GABRA6: variants seen among roughly 807,000 people sequenced by gnomAD.
GABRA6 encodes gamma-aminobutyric acid type A receptor subunit alpha6.
GABRA6 carries 45 observed loss-of-function variants against 47.3 expected under a neutral mutation model. That is an observed-to-expected ratio of 0.95 (90% confidence interval 0.75 to 1.22). The LOEUF (loss-of-function observed/expected upper bound fraction) is 1.22. GABRA6 is among the 50% of genes most tolerant of loss of function. The pLI, the probability that GABRA6 is intolerant of heterozygous loss-of-function variation, is 0.00. For synonymous variants in GABRA6, 219 were observed against 194.7 expected (o/e 1.12, Z -1.04); for missense variants, 583 against 549.3 (o/e 1.06, Z -0.61).
chr5:161,697,727 C>A (rs995597730), intron 8 of GABRA6, among the ~76,000 whole-genome samples: 2 of 152,274 alleles, frequency 1.3e-5, no homozygotes, highest in Middle Eastern at 3.4e-3. Context: ...ATCAGTAGTT[C>A]TGAGCTTCAG....
chr5:161,701,663 G>T lies in GABRA6; in HGVS notation c.1252G>T (p.Asp418Tyr), dbSNP rs142468532. 1 of 1,614,138 alleles carries T rather than the reference G, an allele frequency of 6.2e-7. No individual in the cohort carries two copies. The highest frequency in any genetic ancestry group is 8.5e-7 in the Non-Finnish European group (1 of 1,180,026). The change falls in exon 9 of 9, where the codon GAC (aspartate) becomes TAC (tyrosine). Residue 418 changes from aspartate (D) to tyrosine (Y), a missense_variant. Physicochemically the swap from Asp to Tyr is radical, Grantham distance 160 (BLOSUM62 -3). Transcript: ENST00000274545. The part of the protein sequence containing the change: ...SPAFGGTSKI[D>Y]QYSRILFPVA... ...AGCCTTTGGAGGCACCAGTAAAATA[G>T]ACCAGTATTCTCGAATTCTCTTCCC... is the stretch of plus-strand genomic sequence containing the variant.
chr5:161,687,154 G>A, intron 3 of GABRA6, 151 bp downstream of exon 3: 1 of 734,146 alleles, frequency 1.4e-6, no homozygotes, highest in Non-Finnish European at 2.5e-6. Flanking sequence ...CCATTAGAAT[G>A]GATTCCTGGC....
intron 5 of GABRA6, 130 bp from the exon 6 acceptor site, chr5:161,689,506 C>T (rs1754755636): frequency 9.3e-7 from 1 of 1,076,724 alleles, no homozygotes; most frequent in Non-Finnish European, 1.4e-6. Context: ...GCTTTAGTCA[C>T]CAAGATTAAA....
At chr5:161,687,828 A>T (rs1010028468) in intron 3 of GABRA6, among the ~76,000 whole-genome samples, 1 of 152,182 alleles carries the variant, frequency 6.6e-6, no homozygotes, top group Admixed American at 6.5e-5. Context: ...GAAGGAGTAA[A>T]GGAAGAAGAG....
chr5:161,695,056 AC>A (rs1754864650), intron 8 of GABRA6, among the ~76,000 whole-genome samples: 1 of 152,204 alleles, frequency 6.6e-6, no homozygotes, highest in African/African-American at 2.4e-5. Context: ...TGACATTGAA[AC>A]AGCAAACTAA....
chr5:161,689,444 C>G, intron 5 of GABRA6, 108 bp downstream of exon 5: 1 of 1,072,720 alleles, frequency 9.3e-7, no homozygotes, highest in Admixed American at 1.9e-5. Context: ...ATGACACTAT[C>G]AGTGTGATTC....
intron 8 of GABRA6, among the ~76,000 whole-genome samples, chr5:161,695,642 AC>A (rs576287975): frequency 1.6e-4 from 25 of 152,182 alleles, no homozygotes; most frequent in African/African-American, 6.0e-4. Context: ...TCAATCACTC[AC>A]CCATTCCATC....
In GABRA6 at chr5:161,700,233, G is replaced by A. The variant is rs937339709; in HGVS notation, c.1087-1265G>A. The stretch of plus-strand genomic sequence containing the variant: ...AGCTGTCTTATACTGTTGCCGCAGT[G>A]TTGCTGGCTAAAGCCACGGGAGTTT... On this transcript the variant is annotated intron_variant, in intron 8 of 8. Transcript: ENST00000274545. Among the ~76,000 whole-genome samples, 25 of 152,342 alleles carry A rather than the reference G, an allele frequency of 1.6e-4. 1 individual carries two copies. Among genetic ancestry groups the A allele is most frequent in the Admixed American group, 1.4e-3 (21 of 15,310 alleles).
chr5:161,686,241 C>A lies in GABRA6; in HGVS notation c.50C>A (p.Ala17Asp). 6.2e-7 allele frequency: 1 copy of A among 1,612,984 alleles called. No homozygotes were observed. The highest frequency in any genetic ancestry group is 8.5e-7 in the Non-Finnish European group (1 of 1,179,000). The change falls in exon 2 of 9, where the codon GCC (alanine) becomes GAC (aspartate). Residue 17 changes from alanine (A) to aspartate (D), a missense_variant. Physicochemically the swap from Ala to Asp is moderately radical, Grantham distance 126. Coordinates refer to ENST00000274545, the MANE Select transcript of GABRA6 (RefSeq NM_000811.3). ...WLCIILWLENALGKLEVEGNF... is the reference protein window; with the variant it reads ...WLCIILWLENDLGKLEVEGNF... ...CTGTCTACACACAGGCTAGAAAATG[C>A]CCTAGGGAAACTCGAAGTTGAAGGC... is the stretch of plus-strand genomic sequence containing the variant.
chr5:161,689,553 T>C lies in GABRA6; in HGVS notation c.530-83T>C, dbSNP rs3811994. The C allele has an allele frequency of 1.3e-3, 1,681 of 1,295,394 alleles. 27 individuals are homozygous for C. The East Asian group carries it at 0.03, about 23-fold the overall frequency. 80.2% of individuals were successfully genotyped at this position (1,295,394 alleles called of 1,614,324 possible). A position where few individuals can be genotyped will look rare whatever the true frequency, so the allele number is the denominator to read the frequency against. ...ATACAATCTATGTTTGTATTTCCTT[T>C]TTTATAGACAATGTGCACTTTGAAG... On this transcript the variant is annotated intron_variant, in intron 5 of 8. Coordinates refer to ENST00000274545, the MANE Select transcript of GABRA6 (RefSeq NM_000811.3).
At chr5:161,690,030 C>G (rs1720687800) in intron 6 of GABRA6, 171 bp from the exon 7 acceptor site, 2 of 701,248 alleles carry the variant, frequency 2.9e-6, no homozygotes, top group African/African-American at 1.8e-5. Context: ...GTTGATGTGT[C>G]TCTTCGCTCT....
intron 5 of GABRA6, 143 bp from the exon 6 acceptor site, chr5:161,689,493 G>GAC: frequency 9.8e-7 from 1 of 1,020,680 alleles, no homozygotes; most frequent in Non-Finnish European, 1.5e-6. Context: ...CTCATAAATT[G>GAC]AGGCTTTAGT....
intron 8 of GABRA6, among the ~76,000 whole-genome samples, chr5:161,696,801 T>G (rs1754895609): frequency 6.6e-6 from 1 of 152,198 alleles, no homozygotes; most frequent in African/African-American, 2.4e-5. Flanking sequence ...CCATAACGAT[T>G]AATATGATGA....
chr5:161,692,259 T>C, intron 8 of GABRA6, 59 bp downstream of exon 8: 1 of 1,606,286 alleles, frequency 6.2e-7, no homozygotes, highest in Admixed American at 1.7e-5. Flanking sequence ...TAAATAGTGA[T>C]CAGAAACAAC....
Position 161,701,521 on chromosome 5 carries a change from G to C in GABRA6, c.1110G>C (p.Leu370=), listed in dbSNP as rs1488422083. 1.2e-6 allele frequency: 2 copies of C among 1,614,120 alleles called. No homozygotes were observed. The highest frequency in any genetic ancestry group is 3.3e-5 in the Admixed American group (2 of 60,006). ...AGCATCCTGACTCCAAATATCATCT[G>C]AAGAAAAGGATCACTTCTCTGTCTT... ...IVLHPDSKYH[L]KKRITSLSLP... is the part of the protein sequence containing the mutation. Residue 370 remains leucine, a synonymous_variant, in exon 9 of 9, where the codon CTG becomes CTC. Transcript: ENST00000274545.
At chr5:161,698,926 A>T (rs1225911442) in intron 8 of GABRA6, among the ~76,000 whole-genome samples, 1 of 152,022 alleles carries the variant, frequency 6.6e-6, no homozygotes, top group Non-Finnish European at 1.5e-5. Context: ...TTTACTACAA[A>T]TTTTTTGTGG....
chr5:161,696,631 GAT>G (rs1308418027), intron 8 of GABRA6, among the ~76,000 whole-genome samples: 6 of 151,988 alleles, frequency 3.9e-5, no homozygotes, highest in African/African-American at 1.5e-4. Context: ...CAAACATTCT[GAT>G]ATGTTTTCTA....
rs1376468472 is a variant in GABRA6 at position 161,687,042 on chromosome 5, GGGA to G, written c.225+44_225+46del. ...AAGTGAGTTGGGTGTTTTCATTTCG[GGGA>G]GGAGAGTGGAGTCCCAAAACTAATG... On this transcript the variant is annotated intron_variant, in intron 3 of 8. Transcript: ENST00000274545. 33 of 1,566,020 alleles carry G rather than the reference GGGA, an allele frequency of 2.1e-5. 1 individual carries two copies. Among genetic ancestry groups the G allele is most frequent in the Non-Finnish European group, 2.6e-5 (30 of 1,136,402 alleles).
Position 161,689,254 on chromosome 5 carries a change from G to T in GABRA6, c.447G>T (p.Arg149Ser). ...MQNGTILYTM[R>S]LTINADCPMR... ...GAACCGTTGATTTCAATGTTTCTAG[G>T]CTTACCATCAATGCTGACTGTCCCA... is the stretch of plus-strand genomic sequence containing the variant. Residue 149 changes from arginine to serine, a missense_variant and splice_region_variant, in exon 5 of 9, where the codon AGG becomes AGT. Arg to Ser is a moderately radical substitution (Grantham distance 110). Coordinates refer to ENST00000274545, the MANE Select transcript of GABRA6 (RefSeq NM_000811.3). 2 of 1,613,892 alleles carry T rather than the reference G, an allele frequency of 1.2e-6. No individual in the cohort carries two copies. The highest frequency in any genetic ancestry group is 1.1e-5 in the South Asian group (1 of 91,062).
Sources: allele counts gnomAD v4.1 joint callset (sites outside exome capture counted in the v4.1 genomes callset), GRCh38; gene constraint gnomAD v4.1.1; transcripts MANE v1.5; gene names NCBI Gene and HGNC (gene_info 2026-07-23, HGNC 2026-07-21).